The following BCL6 variants were observed in gnomAD, a reference collection of about 807,000 sequenced individuals.
BCL6 encodes the protein BCL6 transcription repressor, also known as B-cell lymphoma 6 protein.
In BCL6, 7 loss-of-function variants were observed where a neutral mutation model predicts 59.5. The observed-to-expected ratio is 0.12, with a 90% CI of 0.07 to 0.22. The LOEUF (loss-of-function observed/expected upper bound fraction) is 0.22. Ranked by LOEUF, BCL6 falls within the 10% of genes least tolerant of loss-of-function variation. BCL6 has a pLI of 1.00. For synonymous variants in BCL6, 339 were observed against 349.7 expected (o/e 0.97, Z 0.34); for missense variants, 685 against 939.4 (o/e 0.73, Z 3.54).
chr3:187,740,510 T>G lies in BCL6; in HGVS notation c.-50+4900A>C, dbSNP rs74942766. 2.7e-3 allele frequency among the ~76,000 whole-genome samples: 412 copies of G among 152,272 alleles called. 3 individuals are homozygous for G. Among genetic ancestry groups the G allele is most frequent in the African/African-American group, 9.4e-3 (392 of 41,544 alleles). On this transcript the variant is annotated intron_variant, in intron 1 of 9. Transcript: ENST00000406870. ...ATGAACACTGGCAACAAAGGTGACC[T>G]AAGAGGTTAAACTCATGGTTCTGGC...
Position 187,728,536 on chromosome 3 carries a change from G to A in BCL6, c.1364C>T (p.Thr455Met), listed in dbSNP as rs541016998. 490 of 1,607,052 alleles carry A rather than the reference G, an allele frequency of 3.0e-4. 2 individuals carry two copies. In the South Asian group the frequency reaches 4.6e-3, roughly 15 times the overall value. The change falls in exon 6 of 10, where the codon ACG becomes ATG. Residue 455 changes from threonine (T) to methionine (M), a missense_variant. Physicochemically the swap from Thr to Met is moderately conservative, Grantham distance 81 (BLOSUM62 -1). Around this residue, in one of 7 missense-constraint regions of BCL6, gnomAD observed 207 missense variants for 213.7 expected, o/e 0.97. Transcript: ENST00000406870. Reference protein sequence around the residue: ...RLNNIVNRSMTGSPRSSSESH... With the variant: ...RLNNIVNRSMMGSPRSSSESH... Reference sequence around the variant, plus strand: ...CTCGCTGCTGCTGCGGGGAGAGCCCGTCATGGACCTATGGACAGGAGTAAA... The same window carrying A: ...CTCGCTGCTGCTGCGGGGAGAGCCCATCATGGACCTATGGACAGGAGTAAA...
At chr3:187,728,264 T>A in intron 6 of BCL6, 96 bp downstream of exon 6, 2 of 1,280,164 alleles carry the variant, frequency 1.6e-6, no homozygotes, top group Non-Finnish European at 2.1e-6. Context: ...ACTGCTCCAA[T>A]CAGAGACAAC....
At chr3:187,742,362 A>G (rs2108480780) in intron 1 of BCL6, among the ~76,000 whole-genome samples, 1 of 152,314 alleles carries the variant, frequency 6.6e-6, no homozygotes, top group African/African-American at 2.4e-5. Flanking sequence ...GGCTCAGCAA[A>G]CGACAACTTA....
Position 187,731,747 on chromosome 3 carries a change from C to T in BCL6, c.345G>A (p.Glu115=), listed in dbSNP as rs1271399132. Residue 115 remains glutamate (E), a synonymous_variant, in exon 4 of 10, where the codon GAG becomes GAA. Transcript: ENST00000406870. The part of the protein sequence containing the change: ...VMATAMYLQM[E]HVVDTCRKFI... ...ACTTCCGGCAAGTGTCCACAACATGCTCCATCTGCAGGTACATAGCCGTGG... is the reference window on the plus strand; with the variant it reads ...ACTTCCGGCAAGTGTCCACAACATGTTCCATCTGCAGGTACATAGCCGTGG... 3.1e-6 allele frequency: 5 copies of T among 1,614,204 alleles called. No individual in the cohort carries two copies. Among genetic ancestry groups the T allele is most frequent in the East Asian group, 2.2e-5 (1 of 44,882 alleles).
At position 187,725,488 on chromosome 3, in the gene BCL6, A is replaced by C; in HGVS notation, c.1839+11T>G. On this transcript the variant is annotated intron_variant, in intron 8 of 9. Transcript: ENST00000406870. The surrounding 1 kb of genome is among the most constrained non-coding windows in gnomAD (Gnocchi z 4.7). ...GCCTGCCCGCTCCGCTCGCCTGCCC[A>C]CTCTGCTCACCTGTACAAATCTGGC... 1 of 1,609,424 alleles carries C rather than the reference A, an allele frequency of 6.2e-7. No individual in the cohort carries two copies. The highest frequency in any genetic ancestry group is 1.4e-5 in the African/African-American group (1 of 73,926).
intron 1 of BCL6, among the ~76,000 whole-genome samples, chr3:187,742,540 T>C (rs1711645156): frequency 6.6e-6 from 1 of 152,216 alleles, no homozygotes; most frequent in South Asian, 2.1e-4. Flanking sequence ...GAACAGCATC[T>C]AGCCTTACTG....
rs1272429772 is a variant in BCL6 at position 187,733,640 on chromosome 3, A to C, written c.54T>G (p.Val18=). 6 of 1,614,074 alleles carry C rather than the reference A, an allele frequency of 3.7e-6. No individual in the cohort carries two copies. The highest frequency in any genetic ancestry group is 5.1e-6 in the Non-Finnish European group (6 of 1,180,034). Reference sequence around the variant, plus strand: ...TCCGGAGACGATTAAGGTTGAGAAGAACATCACTGGCATGGCGGGTGAACT... The same window carrying C: ...TCCGGAGACGATTAAGGTTGAGAAGCACATCACTGGCATGGCGGGTGAACT... ...CIQFTRHASD[V]LLNLNRLRSR... Residue 18 remains valine (V), a synonymous_variant, in exon 3 of 10, where the codon GTT becomes GTG. Transcript: ENST00000406870.
chr3:187,744,486 A>G (rs1711783441), intron 1 of BCL6, among the ~76,000 whole-genome samples: 2 of 152,268 alleles, frequency 1.3e-5, no homozygotes, highest in South Asian at 2.1e-4. Context: ...AGGGGCAGGG[A>G]ACACCAAAAC....
chr3:187,727,065 T>A (rs921673535), intron 6 of BCL6, among the ~76,000 whole-genome samples, 167 bp from the exon 7 acceptor site: 5 of 152,202 alleles, frequency 3.3e-5, no homozygotes, highest in Non-Finnish European at 5.9e-5. Context: ...GTGGGGACTT[T>A]ATTTTTCTTA....
intron 1 of BCL6, chr3:187,737,351 GA>G (rs1719330020): frequency 3.0e-5 from 1 of 33,316 alleles, no homozygotes; most frequent in Non-Finnish European, 9.5e-5. Context: ...AAACGACAGA[GA>G]GAGAGAGAGA....
intron 1 of BCL6, among the ~76,000 whole-genome samples, chr3:187,744,440 T>A (rs1711779556): frequency 6.6e-6 from 1 of 151,748 alleles, no homozygotes; most frequent in Admixed American, 6.6e-5. Context: ...ATTTTCAAAG[T>A]GTTCAACATC....
At chr3:187,728,288 T>C in intron 6 of BCL6, 72 bp downstream of exon 6, 1 of 1,406,988 alleles carries the variant, frequency 7.1e-7, no homozygotes, top group Non-Finnish European at 9.6e-7. Flanking sequence ...ATAAGTAAAA[T>C]GGAGCACAAA....
chr3:187,744,894 C>A (rs1275418985), intron 1 of BCL6, among the ~76,000 whole-genome samples: 3 of 152,224 alleles, frequency 2.0e-5, no homozygotes, highest in Non-Finnish European at 2.9e-5. Context: ...CGTACGCAAG[C>A]AGCAGCAGAA....
At chr3:187,744,731 T>A (rs77764326) in intron 1 of BCL6, among the ~76,000 whole-genome samples, 6 of 151,850 alleles carry the variant, frequency 4.0e-5, no homozygotes, top group East Asian at 1.9e-4. Context: ...CTCCCGGAGT[T>A]ACCCAGAAGG....
chr3:187,740,619 CTTAAAATCTGGTCCTGG>C (rs1448666594), intron 1 of BCL6, among the ~76,000 whole-genome samples: 2 of 152,134 alleles, frequency 1.3e-5, no homozygotes, highest in East Asian at 3.9e-4. Flanking sequence ...AATTCAGAAG[CTTAAAATCTGGTCCTGG>C]TTAAGTCACT....
At chr3:187,734,752 G>T (rs1411049982) in intron 2 of BCL6, 117 bp downstream of exon 2, 1 of 152,632 alleles carries the variant, frequency 6.6e-6, no homozygotes, top group African/African-American at 2.4e-5. Flanking sequence ...AGAGGGAACT[G>T]GTTATCCTTG....
intron 1 of BCL6, among the ~76,000 whole-genome samples, chr3:187,745,109 C>G (rs1711867681): frequency 1.3e-5 from 2 of 152,244 alleles, no homozygotes; most frequent in East Asian, 1.9e-4. Flanking sequence ...GGCCGATTCA[C>G]TCAAAGACAA....
rs773103820 is a variant in BCL6 at position 187,725,519 on chromosome 3, A to T, written c.1819T>A (p.Cys607Ser). The change falls in exon 8 of 10, where the codon TGC becomes AGC. Residue 607 changes from cysteine (C) to serine (S), a missense_variant. Physicochemically the swap from Cys to Ser is moderately radical, Grantham distance 112. Coordinates refer to ENST00000406870, the MANE Select transcript of BCL6 (RefSeq NM_001706.5). The surrounding 1 kb of genome is among the most constrained non-coding windows in gnomAD (Gnocchi z 4.7). ...CTCACCTGTACAAATCTGGCTCCGC[A>T]GGTTTCGCATTTGTAGGGCTTCTCT... is the stretch of plus-strand genomic sequence containing the variant. ...SGEKPYKCET[C>S]GARFVQVAHL... is the part of the protein sequence containing the mutation. The T allele has an allele frequency of 6.2e-7, 1 of 1,614,046 alleles. No individual in the cohort carries two copies.
At chr3:187,726,984 T>A in intron 6 of BCL6, 86 bp from the exon 7 acceptor site, 1 of 1,474,632 alleles carries the variant, frequency 6.8e-7, no homozygotes. Context: ...TAGCTACCCC[T>A]TGTGCCAAAC....
Sources: gnomAD v4.1 joint callset for allele counts (sites outside exome capture counted in the v4.1 genomes callset) on GRCh38, gnomAD v4.1.1 for gene constraint, gnomAD v4.1.1 regional missense constraint, Gnocchi (gnomAD v3.1) non-coding constraint, MANE v1.5 for transcripts, NCBI Gene and HGNC (gene_info 2026-07-23, HGNC 2026-07-21) for gene names.